CLDN10: variants seen among roughly 807,000 people sequenced by gnomAD.
CLDN10 encodes claudin-10.
In CLDN10, 15 loss-of-function variants were observed where a neutral mutation model predicts 22.9. The ratio of observed to expected loss-of-function variants is 0.65; its 90% CI spans 0.44 to 1.01. The LOEUF (loss-of-function observed/expected upper bound fraction) is 1.01. CLDN10 is among the 50% of genes least tolerant of loss of function. The pLI is 0.00. For missense variants in CLDN10, 247 were observed against 287.8 expected, an observed-to-expected ratio of 0.86 and a Z score of 1.03; for synonymous variants, 114 against 111.4, an observed-to-expected ratio of 1.02 and a Z score of -0.15.
At chr13:95,441,927 G>A (rs1364415655) in intron 1 of CLDN10, among the ~76,000 whole-genome samples, 1 of 152,202 alleles carries the variant, frequency 6.6e-6, no homozygotes, top group African/African-American at 2.4e-5. Flanking sequence ...AAGCCAGGTG[G>A]ATCGCTTGAG....
At chr13:95,541,285 C>G (rs1425944555) in intron 1 of CLDN10, among the ~76,000 whole-genome samples, 1 of 152,200 alleles carries the variant, frequency 6.6e-6, no homozygotes, top group South Asian at 2.1e-4. Flanking sequence ...TTCTTTGCTT[C>G]TAATTAAGAG....
intron 1 of CLDN10, among the ~76,000 whole-genome samples, chr13:95,525,289 T>C (rs1213931105): frequency 1.3e-5 from 2 of 152,354 alleles, no homozygotes; most frequent in Admixed American, 1.3e-4. Flanking sequence ...TATTTACATA[T>C]CTTCTTTGGA....
At chr13:95,510,074 G>A (rs2138558261) in intron 1 of CLDN10, among the ~76,000 whole-genome samples, 1 of 152,320 alleles carries the variant, frequency 6.6e-6, no homozygotes, top group Non-Finnish European at 1.5e-5. Context: ...CAACGGGAAA[G>A]CTCTCTTGAG....
At chr13:95,543,953 A>G (rs986385962) in intron 1 of CLDN10, among the ~76,000 whole-genome samples, 21 of 152,154 alleles carry the variant, frequency 1.4e-4, no homozygotes, top group Non-Finnish European at 2.6e-4. Flanking sequence ...TTCTTCATGT[A>G]AGAAGATTAT....
At chr13:95,477,854 G>A (rs547383779) in intron 1 of CLDN10, among the ~76,000 whole-genome samples, 12 of 152,270 alleles carry the variant, frequency 7.9e-5, no homozygotes, top group African/African-American at 2.9e-4. Flanking sequence ...GTGGACAGAT[G>A]GAGGAGGAGG....
intron 1 of CLDN10, among the ~76,000 whole-genome samples, chr13:95,544,484 T>C (rs1156810654): frequency 6.6e-6 from 1 of 152,210 alleles, no homozygotes; most frequent in African/African-American, 2.4e-5. Context: ...AGGCAAAACA[T>C]GACATCAACT....
In CLDN10 at chr13:95,552,944, A is replaced by G; in HGVS notation, c.191A>G (p.Lys64Arg). ...GACTCCACGGGCGTCTCCAACTGCA[A>G]GGACTTCCCCTCCATGCTGGCGCTG... Reference protein sequence around the residue: ...VTDSTGVSNCKDFPSMLALDG... With the variant: ...VTDSTGVSNCRDFPSMLALDG... The change falls in exon 1 of 5, where the codon AAG (lysine) becomes AGG (arginine). Residue 64 changes from lysine (K) to arginine (R), a missense_variant. Coordinates refer to ENST00000299339, the MANE Select transcript of CLDN10 (RefSeq NM_006984.5). 6.2e-7 allele frequency: 1 copy of G among 1,614,034 alleles called. No individual in the cohort carries two copies. Among genetic ancestry groups the G allele is most frequent in the Non-Finnish European group, 8.5e-7 (1 of 1,179,980 alleles).
In CLDN10 at chr13:95,501,862, G is replaced by A. The variant is rs1015779746; in HGVS notation, c.215-58270G>A. 1.1e-4 allele frequency among the ~76,000 whole-genome samples: 16 copies of A among 152,120 alleles called. No homozygotes were observed. The South Asian group carries it at 2.3e-3, about 22-fold the overall frequency. On this transcript the variant is annotated intron_variant, in intron 1 of 4. Transcript: ENST00000376873. ...TTTCTATTTGTTCCAGCTGCTTTTT[G>A]TTCTTCTTTTCTATCTTCTCTGTTT...
intron 3 of CLDN10, among the ~76,000 whole-genome samples, chr13:95,569,764 A>G (rs1594620670): frequency 6.6e-6 from 1 of 151,892 alleles, no homozygotes; most frequent in East Asian, 1.9e-4. Context: ...GACTGAATAA[A>G]ATGTCAGATA....
chr13:95,538,263 G>A (rs2043422524), intron 1 of CLDN10, among the ~76,000 whole-genome samples: 2 of 141,914 alleles, frequency 1.4e-5, no homozygotes, highest in Admixed American at 7.5e-5. Context: ...AGCCTCCAGA[G>A]TAGCTGGCAC....
At chr13:95,539,983 C>T (rs2138621708) in intron 1 of CLDN10, among the ~76,000 whole-genome samples, 1 of 151,068 alleles carries the variant, frequency 6.6e-6, no homozygotes. Context: ...GGTGAAGCCC[C>T]TTCTCTGCCA....
intron 1 of CLDN10, among the ~76,000 whole-genome samples, chr13:95,522,763 T>C (rs1288563727): frequency 8.5e-5 from 13 of 152,066 alleles, no homozygotes; most frequent in Admixed American, 8.5e-4. Context: ...AGAATTTTTA[T>C]ATATTACTAA....
At position 95,516,809 on chromosome 13, in the gene CLDN10, C is replaced by T. The variant is rs557085692; in HGVS notation, c.215-43323C>T. ...AGATCTTCATCTTTAATATAAGTTT[C>T]TGAATTCTTTGCTCTATAAACCAAA... On this transcript the variant is annotated intron_variant, in intron 1 of 4. Coordinates refer to the CLDN10 transcript ENST00000376873. Among the ~76,000 whole-genome samples, 12 of 152,236 alleles carry T rather than the reference C, an allele frequency of 7.9e-5. 1 individual carries two copies. In the South Asian group the frequency reaches 2.3e-3, roughly 29 times the overall value.
chr13:95,473,441 G>A (rs1055005659), intron 1 of CLDN10, among the ~76,000 whole-genome samples: 1 of 152,190 alleles, frequency 6.6e-6, no homozygotes, highest in Admixed American at 6.5e-5. Flanking sequence ...GATGCGCCTC[G>A]GGTGCCTCAG....
At chr13:95,516,615 C>G (rs926903980) in intron 1 of CLDN10, among the ~76,000 whole-genome samples, 1 of 151,996 alleles carries the variant, frequency 6.6e-6, no homozygotes, top group African/African-American at 2.4e-5. Context: ...TTTTAAAAAC[C>G]CTTAAAGACC....
At chr13:95,460,304 AG>A (rs1236612450) in intron 1 of CLDN10, among the ~76,000 whole-genome samples, 1 of 152,140 alleles carries the variant, frequency 6.6e-6, no homozygotes, top group East Asian at 1.9e-4. Context: ...CCACATTTAC[AG>A]GTATCTTTAT....
intron 4 of CLDN10, 47 bp downstream of exon 4, chr13:95,577,385 C>T (rs776820587): frequency 1.7e-6 from 2 of 1,163,860 alleles, no homozygotes; most frequent in South Asian, 2.5e-5. Context: ...AGAATGCTAT[C>T]ATAAATCATT....
chr13:95,523,439 C>T (rs917465443), intron 1 of CLDN10, among the ~76,000 whole-genome samples: 3 of 152,174 alleles, frequency 2.0e-5, no homozygotes, highest in African/African-American at 7.2e-5. Flanking sequence ...TTTACTCACA[C>T]ATTTGCTATT....
chr13:95,542,342 G>A (rs1042172746), intron 1 of CLDN10, among the ~76,000 whole-genome samples: 6 of 152,142 alleles, frequency 3.9e-5, no homozygotes, highest in African/African-American at 1.4e-4. Context: ...TGGAGGATGT[G>A]ACAGCATTTA....
Sources: gnomAD v4.1 joint callset for allele counts (sites outside exome capture counted in the v4.1 genomes callset) on GRCh38, gnomAD v4.1.1 for gene constraint, MANE v1.5 for transcripts, NCBI Gene and HGNC (gene_info 2026-07-23, HGNC 2026-07-21) for gene names.